ASB6: variants seen among roughly 807,000 people sequenced by gnomAD.
ASB6 encodes the protein ankyrin repeat and SOCS box protein 6.
Under a neutral mutation model 28.6 loss-of-function variants are expected in ASB6, and 24 were observed. That is an observed-to-expected ratio of 0.84 (90% CI 0.61 to 1.18). The LOEUF (loss-of-function observed/expected upper bound fraction) is 1.18, where lower values mean the gene tolerates loss of function less well. Among genes scored for constraint, ASB6 ranks in the 50% most tolerant of loss-of-function variants. The probability of loss-of-function intolerance (pLI) is 0.00; values close to 1 mark genes in which losing one functional copy is unlikely to be tolerated. For missense variants in ASB6, 519 were observed against 559.8 expected (o/e 0.93, Z 0.74); for synonymous variants, 267 against 243.4 (o/e 1.10, Z -0.90).
In ASB6 at chr9:129,639,196, A is replaced by G; in HGVS notation, c.511+6T>C. 1.9e-6 allele frequency: 3 copies of G among 1,599,742 alleles called. No homozygotes were observed. In the South Asian group the frequency reaches 3.3e-5, roughly 18 times the overall value. On this transcript the variant is annotated splice_donor_region_variant and intron_variant, in intron 4 of 5. Transcript: ENST00000277458. ...GCTGTCCTGCTTTCCTGCAGGAGGCACCCACCATGCTTGTCAGCGGCATTG... is the reference window on the plus strand; with the variant it reads ...GCTGTCCTGCTTTCCTGCAGGAGGCGCCCACCATGCTTGTCAGCGGCATTG...
intron 1 of ASB6, 148 bp from the exon 2 acceptor site, chr9:129,640,870 A>C (rs960444977): frequency 1.4e-5 from 13 of 924,020 alleles, no homozygotes; most frequent in Non-Finnish European, 2.1e-5. Flanking sequence ...GAAGCTCTGA[A>C]GTAGAGAGAG....
rs1831447491 is a variant in ASB6, at chr9:129,635,024, A to C, written c.*2766T>G. 1 of 689,804 alleles carries C rather than the reference A, an allele frequency of 1.4e-6. No individual in the cohort carries two copies. Among genetic ancestry groups the C allele is most frequent in the African/African-American group, 1.8e-5 (1 of 55,760 alleles). 42.7% of individuals were successfully genotyped at this position (689,804 alleles called of 1,614,324 possible). A position where few individuals can be genotyped will look rare whatever the true frequency, so the allele number is the denominator to read the frequency against. ...TCTTTAGGTAGATGACCTCTGAGCC[A>C]CAGTTTCCTATTCTATGAATTGGGG... On this transcript the variant is annotated 3_prime_UTR_variant, in exon 6 of 6. Transcript: ENST00000277458.
chr9:129,642,143 C>T lies in ASB6; in HGVS notation c.-144G>A. The stretch of plus-strand genomic sequence containing the variant: ...CGCCCGGCCGGGTCCGCTCCTCAGT[C>T]CAAGCCGCGCCCCCGCCGGAAGTGA... On this transcript the variant is annotated 5_prime_UTR_variant, in exon 1 of 6. Transcript: ENST00000277458. The surrounding 1 kb of genome is among the most constrained non-coding windows in gnomAD (Gnocchi z 4.3). The T allele has an allele frequency of 7.7e-7, 1 of 1,303,732 alleles. No individual in the cohort carries two copies. Among genetic ancestry groups the T allele is most frequent in the South Asian group, 2.0e-5 (1 of 49,390 alleles). 80.8% of individuals were successfully genotyped at this position (1,303,732 alleles called of 1,614,324 possible). A position where few individuals can be genotyped will look rare whatever the true frequency, so the allele number is the denominator to read the frequency against.
chr9:129,639,524 C>G lies in ASB6; in HGVS notation c.296-16G>C. The G allele has an allele frequency of 6.2e-7, 1 of 1,605,388 alleles. No homozygotes were observed. Among genetic ancestry groups the G allele is most frequent in the Non-Finnish European group, 8.5e-7 (1 of 1,173,888 alleles). On this transcript the variant is annotated splice_polypyrimidine_tract_variant and intron_variant, in intron 2 of 5. Coordinates refer to ENST00000277458, the MANE Select transcript of ASB6 (RefSeq NM_017873.4). Reference sequence around the variant, plus strand: ...GTGACTGGGTCTGAAGGTGCAGACACAGCTCATGTGGGTCCTATCTGTCCG... The same window carrying G: ...GTGACTGGGTCTGAAGGTGCAGACAGAGCTCATGTGGGTCCTATCTGTCCG...
intron 2 of ASB6, among the ~76,000 whole-genome samples, chr9:129,639,960 G>C (rs1357922348): frequency 6.6e-6 from 1 of 152,172 alleles, no homozygotes; most frequent in Non-Finnish European, 1.5e-5. Flanking sequence ...GGGGAAAGGA[G>C]ACGTGCCTGG....
In ASB6 at chr9:129,636,681, A is replaced by C. The variant is rs184810532; in HGVS notation, c.*1109T>G. Reference sequence around the variant, plus strand: ...CATTGCACTCCAGCCTGGGTGACAGAGTGTCTCGAAAAAAAAAAATAATAA... The same window carrying C: ...CATTGCACTCCAGCCTGGGTGACAGCGTGTCTCGAAAAAAAAAAATAATAA... On this transcript the variant is annotated 3_prime_UTR_variant, in exon 6 of 6. Transcript: ENST00000277458. 1 of 151,232 alleles carries C rather than the reference A, an allele frequency of 6.6e-6. No individual in the cohort carries two copies. The highest frequency in any genetic ancestry group is 1.5e-5 in the Non-Finnish European group (1 of 67,832). 9.4% of individuals were successfully genotyped at this position (151,232 alleles called of 1,614,324 possible). A position where few individuals can be genotyped will look rare whatever the true frequency, so the allele number is the denominator to read the frequency against.
rs891768702 is a variant in ASB6 at position 129,637,552 on chromosome 9, C to G, written c.*238G>C. On this transcript the variant is annotated 3_prime_UTR_variant, in exon 6 of 6. Coordinates refer to ENST00000277458, the MANE Select transcript of ASB6 (RefSeq NM_017873.4). The stretch of plus-strand genomic sequence containing the variant: ...ATCCAAGCCCTGTTCCTCTTTCCAA[C>G]ATGGGGGGGACTTGGAGTGCCGCTG... The G allele has an allele frequency of 2.5e-6, 1 of 392,206 alleles. No individual in the cohort carries two copies. The highest frequency in any genetic ancestry group is 4.5e-6 in the Non-Finnish European group (1 of 221,394). The allele number at this position is 392,206 out of a possible 1,614,324, so 24.3% of individuals were successfully genotyped here.
chr9:129,637,735 A>G lies in ASB6; in HGVS notation c.*55T>C. 7.0e-7 allele frequency: 1 copy of G among 1,438,720 alleles called. No homozygotes were observed. The highest frequency in any genetic ancestry group is 1.5e-5 in the South Asian group (1 of 68,334). 89.1% of individuals were successfully genotyped at this position (1,438,720 alleles called of 1,614,324 possible). A position where few individuals can be genotyped will look rare whatever the true frequency, so the allele number is the denominator to read the frequency against. On this transcript the variant is annotated 3_prime_UTR_variant, in exon 6 of 6. Coordinates refer to ENST00000277458, the MANE Select transcript of ASB6 (RefSeq NM_017873.4). ...CTCTTCTAATGCTGTCCCAGCATCT[A>G]CCAACAGGCTGACCTGAGCTGCCCG...
In ASB6 at chr9:129,638,472, G is replaced by C; in HGVS notation, c.599-15C>G. 6.2e-7 allele frequency: 1 copy of C among 1,608,808 alleles called. No homozygotes were observed. The highest frequency in any genetic ancestry group is 8.5e-7 in the Non-Finnish European group (1 of 1,175,964). On this transcript the variant is annotated splice_polypyrimidine_tract_variant and intron_variant, in intron 5 of 5. Transcript: ENST00000277458. The stretch of plus-strand genomic sequence containing the variant: ...GACGTCTGCCCCTAGAAGAGCCATA[G>C]AACAAGAGATGCTGGGAGAAGGCCT...
At position 129,641,966 on chromosome 9, in the gene ASB6, A is replaced by T. The variant is rs1195920407; in HGVS notation, c.34T>A (p.Phe12Ile). 1.9e-6 allele frequency: 3 copies of T among 1,604,100 alleles called. No homozygotes were observed. Among genetic ancestry groups the T allele is most frequent in the Non-Finnish European group, 2.6e-6 (3 of 1,176,412 alleles). ...GCATCCACCAGCGGCTGGTACTCGAAGATGATCCTCCGGAAGCCGTGCAGG... is the reference window on the plus strand; with the variant it reads ...GCATCCACCAGCGGCTGGTACTCGATGATGATCCTCCGGAAGCCGTGCAGG... The part of the protein sequence containing the change: ...PFLHGFRRII[F>I]EYQPLVDAIL... The change falls in exon 1 of 6, where the codon TTC becomes ATC. Residue 12 changes from phenylalanine to isoleucine, a missense_variant. Coordinates refer to ENST00000277458, the MANE Select transcript of ASB6 (RefSeq NM_017873.4).
rs1236856250 is a variant in ASB6 at position 129,636,250 on chromosome 9, G to T, written c.*1540C>A. ...TACAAAAAAAAAAAAAATTAGCCAG[G>T]CGTGATGGCGGGCGCCTGTAGTCCC... is the stretch of plus-strand genomic sequence containing the variant. On this transcript the variant is annotated 3_prime_UTR_variant, in exon 6 of 6. Transcript: ENST00000277458. 1.3e-5 allele frequency: 2 copies of T among 151,866 alleles called. No individual in the cohort carries two copies. Among genetic ancestry groups the T allele is most frequent in the Non-Finnish European group, 2.9e-5 (2 of 68,004 alleles). 9.4% of individuals were successfully genotyped at this position (151,866 alleles called of 1,614,324 possible). A position where few individuals can be genotyped will look rare whatever the true frequency, so the allele number is the denominator to read the frequency against.
Position 129,635,670 on chromosome 9 carries a change from C to A in ASB6, c.*2120G>T. The A allele has an allele frequency of 1.6e-6, 1 of 618,788 alleles. No individual in the cohort carries two copies. The highest frequency in any genetic ancestry group is 2.8e-6 in the Non-Finnish European group (1 of 356,728). The allele number at this position is 618,788 out of a possible 1,614,324, so 38.3% of individuals were successfully genotyped here. A position where few individuals can be genotyped will look rare whatever the true frequency, so the allele number is the denominator to read the frequency against. On this transcript the variant is annotated 3_prime_UTR_variant, in exon 6 of 6. Coordinates refer to ENST00000277458, the MANE Select transcript of ASB6 (RefSeq NM_017873.4). ...GGGTGCTGCTGAACCAGCGGTGAGG[C>A]AGGAGCCCAGACCCTGCTCTCCTGC...
Position 129,635,125 on chromosome 9 carries a change from C to T in ASB6, c.*2665G>A. 1 of 1,504,572 alleles carries T rather than the reference C, an allele frequency of 6.6e-7. No homozygotes were observed. The highest frequency in any genetic ancestry group is 1.2e-5 in the South Asian group (1 of 80,370). 93.2% of individuals were successfully genotyped at this position (1,504,572 alleles called of 1,614,324 possible). A position where few individuals can be genotyped will look rare whatever the true frequency, so the allele number is the denominator to read the frequency against. ...AAATGCTGGGCACAAATGAGGGGCT[C>T]AGCGGGGCTGAGAAGTACATCCCAT... On this transcript the variant is annotated 3_prime_UTR_variant, in exon 6 of 6. Coordinates refer to ENST00000277458, the MANE Select transcript of ASB6 (RefSeq NM_017873.4).
In ASB6 at chr9:129,638,006, A is replaced by T. The variant is rs952521220; in HGVS notation, c.1050T>A (p.Pro350=). ...LQLPENFDIH[P]VGSLAEKIQA... ...GGATCTTTTCCGCCAGGCTGCCCAC[A>T]GGGTGGATATCGAAGTTTTCGGGCA... Residue 350 remains proline, a synonymous_variant, in exon 6 of 6, where the codon CCT becomes CCA. Coordinates refer to ENST00000277458, the MANE Select transcript of ASB6 (RefSeq NM_017873.4). 1 of 1,613,432 alleles carries T rather than the reference A, an allele frequency of 6.2e-7. No individual in the cohort carries two copies.
chr9:129,640,355 C>T, intron 2 of ASB6, 186 bp downstream of exon 2: 1 of 696,826 alleles, frequency 1.4e-6, no homozygotes, highest in Non-Finnish European at 2.2e-6. Context: ...TGGGAAGAGC[C>T]ATGTGAAAAC....
At position 129,637,952 on chromosome 9, in the gene ASB6, C is replaced by T. The variant is rs374183739; in HGVS notation, c.1104G>A (p.Leu368=). The T allele has an allele frequency of 1.9e-6, 3 of 1,597,102 alleles. No homozygotes were observed. Among genetic ancestry groups the T allele is most frequent in the Non-Finnish European group, 2.6e-6 (3 of 1,170,956 alleles). ...IQALHFSLRQ[L]ESYPPPLKHL... is the part of the protein sequence containing the mutation. Reference sequence around the variant, plus strand: ...GCTTGAGGGGCGGGGGATAGCTCTCCAGCTGCCTCAAGGAGAAGTGGAGGG... The same window carrying T: ...GCTTGAGGGGCGGGGGATAGCTCTCTAGCTGCCTCAAGGAGAAGTGGAGGG... The change falls in exon 6 of 6, where the codon CTG becomes CTA. Residue 368 remains leucine, a synonymous_variant. Transcript: ENST00000277458.
At position 129,635,361 on chromosome 9, in the gene ASB6, T is replaced by C. The variant is rs762271965; in HGVS notation, c.*2429A>G. The C allele has an allele frequency of 6.2e-7, 1 of 1,613,784 alleles. No homozygotes were observed. Among genetic ancestry groups the C allele is most frequent in the Non-Finnish European group, 8.5e-7 (1 of 1,180,008 alleles). ...AGCGTGTGCCGGGACCTTGACGTGG[T>C]CCGCAGGATCATCTGCAGTGCAGGC... On this transcript the variant is annotated 3_prime_UTR_variant, in exon 6 of 6. Transcript: ENST00000277458.
Position 129,635,558 on chromosome 9 carries a change from G to A in ASB6, c.*2232C>T. 7.0e-7 allele frequency: 1 copy of A among 1,421,304 alleles called. No homozygotes were observed. The highest frequency in any genetic ancestry group is 9.6e-7 in the Non-Finnish European group (1 of 1,046,008). 88.0% of individuals were successfully genotyped at this position (1,421,304 alleles called of 1,614,324 possible). On this transcript the variant is annotated 3_prime_UTR_variant, in exon 6 of 6. Transcript: ENST00000277458. The stretch of plus-strand genomic sequence containing the variant: ...CAGGCGCCACGCTGGCGGTTCGTGA[G>A]TGTCGAGGCACCACTAAATATAGCT...
Position 129,641,930 on chromosome 9 carries a change from A to G in ASB6, c.70T>C (p.Ser24Pro). The change falls in exon 1 of 6, where the codon TCC becomes CCC. Residue 24 changes from serine to proline, a missense_variant. Transcript: ENST00000277458. Reference protein sequence around the residue: ...YQPLVDAILGSLGIQDPERQE... With the variant: ...YQPLVDAILGPLGIQDPERQE... Reference sequence around the variant, plus strand: ...CGCTCGGGGTCCTGGATCCCCAGGGAGCCCAGAATCGCATCCACCAGCGGC... The same window carrying G: ...CGCTCGGGGTCCTGGATCCCCAGGGGGCCCAGAATCGCATCCACCAGCGGC... The G allele has an allele frequency of 6.2e-7, 1 of 1,601,786 alleles. No individual in the cohort carries two copies. Among genetic ancestry groups the G allele is most frequent in the Non-Finnish European group, 8.5e-7 (1 of 1,175,398 alleles).
Sources: allele counts gnomAD v4.1 joint callset (sites outside exome capture counted in the v4.1 genomes callset), GRCh38; gene constraint gnomAD v4.1.1; non-coding constraint Gnocchi (gnomAD v3.1); transcripts MANE v1.5; gene names NCBI Gene and HGNC (gene_info 2026-07-23, HGNC 2026-07-21).